PAX8: variants seen among roughly 807,000 people sequenced by gnomAD.
PAX8 encodes the protein paired box protein Pax-8.
PAX8 carries 15 observed loss-of-function variants against 52.4 expected under a neutral mutation model. The ratio of observed to expected loss-of-function variants is 0.29; its 90% CI spans 0.19 to 0.44. The LOEUF (loss-of-function observed/expected upper bound fraction) is 0.44. Among genes scored for constraint, PAX8 ranks in the 20% least tolerant of loss-of-function variants. The pLI, the probability that PAX8 is intolerant of heterozygous loss-of-function variation, is 1.00. For synonymous variants in PAX8, 284 were observed against 249.7 expected (o/e 1.14, Z -1.29); for missense variants, 554 against 602.5 (o/e 0.92, Z 0.84).
intron 9 of PAX8, among the ~76,000 whole-genome samples, chr2:113,232,473 T>C (rs1005925892): frequency 5.3e-5 from 8 of 152,224 alleles, no homozygotes; most frequent in African/African-American, 1.9e-4. Context: ...TGGGCCTGGA[T>C]TGGGGGCCAC....
intron 7 of PAX8, chr2:113,241,285 T>C (rs1469237905): frequency 1.7e-6 from 1 of 583,086 alleles, no homozygotes; most frequent in African/African-American, 1.9e-5. Flanking sequence ...TGGCAAGGGA[T>C]AGCATCATCA....
At chr2:113,257,789 C>A (rs2104552793) in intron 2 of PAX8, among the ~76,000 whole-genome samples, 1 of 152,226 alleles carries the variant, frequency 6.6e-6, no homozygotes, top group South Asian at 2.1e-4. Flanking sequence ...ATAATCATAG[C>A]CAGTATTATG....
chr2:113,258,300 C>T (rs781187560), intron 2 of PAX8, among the ~76,000 whole-genome samples: 9 of 152,198 alleles, frequency 5.9e-5, no homozygotes, highest in Admixed American at 1.3e-4. Flanking sequence ...TTACATCCAT[C>T]GCTGCCTCCT....
In PAX8 at chr2:113,225,441, A is replaced by G. The variant is rs147565629; in HGVS notation, c.1189+1714T>C. On this transcript the variant is annotated intron_variant, in intron 10 of 11. Transcript: ENST00000429538. Reference sequence around the variant, plus strand: ...CTTAAGAATTCATTTGCACAGTGCCATTCCTAGGAACCAAGTGATTCATTT... The same window carrying G: ...CTTAAGAATTCATTTGCACAGTGCCGTTCCTAGGAACCAAGTGATTCATTT... Among the ~76,000 whole-genome samples the G allele has an allele frequency of 7.9e-5, 12 of 152,340 alleles. No individual in the cohort carries two copies. In the East Asian group the frequency reaches 2.3e-3, roughly 29 times the overall value.
At position 113,216,558 on chromosome 2, in the gene PAX8, T is replaced by C. The variant is rs1343750422; in HGVS notation, c.*1975A>G. ...GTGGACACCAGACAGCCCCCTGGAG[T>C]GCAGAGCCCGAGCTGTCACATTGCA... On this transcript the variant is annotated 3_prime_UTR_variant, in exon 12 of 12. Coordinates refer to ENST00000429538, the MANE Select transcript of PAX8 (RefSeq NM_003466.4). The C allele has an allele frequency of 4.4e-6, 1 of 229,738 alleles. No homozygotes were observed. Among genetic ancestry groups the C allele is most frequent in the Non-Finnish European group, 8.6e-6 (1 of 115,968 alleles). The allele number at this position is 229,738 out of a possible 1,614,324, so 14.2% of individuals were successfully genotyped here. A position where few individuals can be genotyped will look rare whatever the true frequency, so the allele number is the denominator to read the frequency against.
intron 7 of PAX8, 116 bp from the exon 8 acceptor site, chr2:113,236,837 A>G: frequency 1.6e-6 from 2 of 1,214,072 alleles, no homozygotes; most frequent in Non-Finnish European, 1.1e-6. Flanking sequence ...AGAGGTCCTC[A>G]TCGCCCCCTT....
chr2:113,236,522 C>G (rs1690356264), intron 8 of PAX8, 79 bp downstream of exon 8: 3 of 1,492,674 alleles, frequency 2.0e-6, no homozygotes, highest in African/African-American at 1.4e-5. Flanking sequence ...GGCCAGGGCC[C>G]CACACCTTCC....
chr2:113,250,042 T>C (rs1296901202), intron 2 of PAX8, among the ~76,000 whole-genome samples: 1 of 151,922 alleles, frequency 6.6e-6, no homozygotes, highest in African/African-American at 2.4e-5. Flanking sequence ...CCGAGGTGGG[T>C]GGATCACGAG....
chr2:113,278,131 T>G (rs1297144815), intron 2 of PAX8, among the ~76,000 whole-genome samples: 1 of 152,122 alleles, frequency 6.6e-6, no homozygotes, highest in African/African-American at 2.4e-5. Flanking sequence ...CCCTCACCGA[T>G]CCATGTGGTC....
At chr2:113,244,719 T>C (rs1691162532) in intron 3 of PAX8, 95 bp from the exon 4 acceptor site, 13 of 1,135,774 alleles carry the variant, frequency 1.1e-5, no homozygotes, top group Non-Finnish European at 1.6e-5. Context: ...CTGAGGCTTC[T>C]GGGTAGGGGT....
intron 2 of PAX8, chr2:113,255,453 AAAAG>A (rs1324443388): frequency 6.6e-6 from 1 of 152,398 alleles, no homozygotes; most frequent in Non-Finnish European, 1.5e-5. Flanking sequence ...GTCCAAAAAA[AAAAG>A]AGGTTTGCCC....
chr2:113,243,015 T>C (rs1281904700), intron 4 of PAX8, among the ~76,000 whole-genome samples: 1 of 152,202 alleles, frequency 6.6e-6, no homozygotes, highest in African/African-American at 2.4e-5. Flanking sequence ...GGGCTTAACC[T>C]CTGCTTCCCT....
At chr2:113,264,049 C>T (rs1463698370) in intron 2 of PAX8, among the ~76,000 whole-genome samples, 1 of 152,234 alleles carries the variant, frequency 6.6e-6, no homozygotes, top group South Asian at 2.1e-4. Flanking sequence ...TTGTTTGGAG[C>T]TGTATTCCCA....
At chr2:113,253,274 C>G (rs1691928943) in intron 2 of PAX8, among the ~76,000 whole-genome samples, 1 of 152,132 alleles carries the variant, frequency 6.6e-6, no homozygotes, top group African/African-American at 2.4e-5. Flanking sequence ...CTTGGTGATC[C>G]TACACACCCT....
chr2:113,266,641 CATGGGGCACCCGGA>C (rs1693080070), intron 2 of PAX8: 1 of 152,240 alleles, frequency 6.6e-6, no homozygotes, highest in African/African-American at 2.4e-5. Context: ...CTTGTCAGCA[CATGGGGCACCCGGA>C]AGTTCATGGT....
At chr2:113,241,098 A>T (rs1690795061) in intron 7 of PAX8, 1 of 308,116 alleles carries the variant, frequency 3.2e-6, no homozygotes, top group Non-Finnish European at 6.3e-6. Flanking sequence ...GCAAGGGCAG[A>T]GAGGTGTGAG....
intron 9 of PAX8, among the ~76,000 whole-genome samples, chr2:113,227,634 T>C (rs1263195906): frequency 6.6e-6 from 1 of 152,232 alleles, no homozygotes; most frequent in East Asian, 1.9e-4. Flanking sequence ...TGGGTATAGC[T>C]GGCCTCCATA....
chr2:113,246,123 G>T (rs146164097), intron 3 of PAX8, among the ~76,000 whole-genome samples: 2 of 152,370 alleles, frequency 1.3e-5, no homozygotes, highest in East Asian at 3.9e-4. Context: ...TGGCTGCAGA[G>T]AATTAGAGTC....
chr2:113,226,902 T>G, intron 10 of PAX8: 1 of 1,384,792 alleles, frequency 7.2e-7, no homozygotes, highest in Non-Finnish European at 9.5e-7. Flanking sequence ...AGCCCCTCCC[T>G]TTTCATCATG....
Sources: allele counts gnomAD v4.1 joint callset (sites outside exome capture counted in the v4.1 genomes callset), GRCh38; gene constraint gnomAD v4.1.1; transcripts MANE v1.5; gene names NCBI Gene and HGNC (gene_info 2026-07-23, HGNC 2026-07-21).